The following DENND1A variants were observed in gnomAD, a reference collection of about 807,000 sequenced individuals.
The protein encoded by DENND1A is DENN domain containing 1A.
In DENND1A, 51 loss-of-function variants were observed where a neutral mutation model predicts 113.7. The observed-to-expected ratio is 0.45, with a 90% CI of 0.36 to 0.57. DENND1A has a LOEUF of 0.57. DENND1A is among the 20% of genes least tolerant of loss of function. DENND1A has a pLI of 0.00. For synonymous variants in DENND1A, 565 were observed against 570.8 expected (o/e 0.99, Z 0.14); for missense variants, 1,258 against 1,395.9 (o/e 0.90, Z 1.57).
chr9:123,392,456 C>A (rs1043910137), intron 21 of DENND1A, among the ~76,000 whole-genome samples: 1 of 152,142 alleles, frequency 6.6e-6, no homozygotes, highest in African/African-American at 2.4e-5. Context: ...AAAGGATCCT[C>A]GCTTTGTAAA....
intron 8 of DENND1A, among the ~76,000 whole-genome samples, chr9:123,654,285 G>T (rs146927963): frequency 1.3e-5 from 2 of 152,158 alleles, no homozygotes; most frequent in Non-Finnish European, 2.9e-5. Flanking sequence ...AGGAGAGGAT[G>T]GAAGTAAAAA....
chr9:123,578,228 T>C (rs1276219311), intron 12 of DENND1A, among the ~76,000 whole-genome samples: 1 of 152,208 alleles, frequency 6.6e-6, no homozygotes, highest in African/African-American at 2.4e-5. Context: ...GGGATTCCCC[T>C]TCTAGTACCA....
rs1320917840 is a variant in DENND1A at position 123,440,480 on chromosome 9, C to A, written c.1368G>T (p.Glu456Asp). Residue 456 changes from glutamate to aspartate, a missense_variant, in exon 19 of 24, where the codon GAG (glutamate) becomes GAT (aspartate). Physicochemically the swap from Glu to Asp is conservative, Grantham distance 45 (BLOSUM62 2). Coordinates refer to ENST00000394215, the MANE Select transcript of DENND1A (RefSeq NM_001352964.2). Reference protein sequence around the residue: ...KNRLKQKDIAENGCAPTPEEQ... With the variant: ...KNRLKQKDIADNGCAPTPEEQ... ...CTTCTGGGGTGGGGGCGCAGCCATT[C>A]TCGGCAATGTCCTGTAGGGAGAAGG... 6.4e-7 allele frequency: 1 copy of A among 1,572,676 alleles called. No individual in the cohort carries two copies. Among genetic ancestry groups the A allele is most frequent in the South Asian group, 1.2e-5 (1 of 85,272 alleles).
chr9:123,910,657 T>C (rs915769942), intron 1 of DENND1A, among the ~76,000 whole-genome samples: 11 of 152,156 alleles, frequency 7.2e-5, no homozygotes, highest in Admixed American at 2.0e-4. Flanking sequence ...CACTATTAAG[T>C]GGCTGGGCCC....
intron 13 of DENND1A, among the ~76,000 whole-genome samples, chr9:123,480,054 T>C (rs975612197): frequency 1.8e-4 from 27 of 152,284 alleles, no homozygotes; most frequent in African/African-American, 5.8e-4. Flanking sequence ...ATGAACAAGG[T>C]TGTTTTGGGA....
chr9:123,541,824 A>G (rs2056310953), intron 13 of DENND1A, among the ~76,000 whole-genome samples: 1 of 152,174 alleles, frequency 6.6e-6, no homozygotes, highest in Admixed American at 6.5e-5. Flanking sequence ...CAATTTTACG[A>G]GGGTGGCATT....
chr9:123,788,187 AAGT>A (rs1832481264), intron 3 of DENND1A, among the ~76,000 whole-genome samples: 1 of 152,308 alleles, frequency 6.6e-6, no homozygotes, highest in African/African-American at 2.4e-5. Context: ...TTCGTATAAG[AAGT>A]AATCATATTA....
At chr9:123,753,540 C>T in intron 5 of DENND1A, among the ~76,000 whole-genome samples, 1 of 152,246 alleles carries the variant, frequency 6.6e-6, no homozygotes, top group Non-Finnish European at 1.5e-5. Flanking sequence ...AACTACACTT[C>T]TTCCAACAAC....
intron 10 of DENND1A, among the ~76,000 whole-genome samples, chr9:123,619,292 T>C (rs2060820211): frequency 6.6e-6 from 1 of 152,220 alleles, no homozygotes; most frequent in South Asian, 2.1e-4. Context: ...ACTAACAATA[T>C]AGACTGTATT....
At chr9:123,693,124 T>C (rs569566525) in intron 5 of DENND1A, among the ~76,000 whole-genome samples, 1 of 152,306 alleles carries the variant, frequency 6.6e-6, no homozygotes, top group South Asian at 2.1e-4. Flanking sequence ...ATAGATGAAT[T>C]TTGGCAACTG....
intron 13 of DENND1A, among the ~76,000 whole-genome samples, chr9:123,462,635 A>G (rs2048622072): frequency 6.6e-6 from 1 of 152,138 alleles, no homozygotes. Context: ...TGTCTCTACT[A>G]AAAATACAAA....
At chr9:123,504,426 A>G (rs1229678549) in intron 13 of DENND1A, among the ~76,000 whole-genome samples, 1 of 152,250 alleles carries the variant, frequency 6.6e-6, no homozygotes, top group African/African-American at 2.4e-5. Flanking sequence ...ATGCATGCTT[A>G]TAACATTGAC....
intron 21 of DENND1A, chr9:123,401,580 C>T: frequency 7.2e-7 from 1 of 1,396,306 alleles, no homozygotes; most frequent in South Asian, 1.6e-5. Flanking sequence ...TGCCAACCAC[C>T]AAACTGGCTC....
chr9:123,537,702 A>G (rs1263941304), intron 13 of DENND1A, among the ~76,000 whole-genome samples: 1 of 152,180 alleles, frequency 6.6e-6, no homozygotes, highest in Non-Finnish European at 1.5e-5. Flanking sequence ...TTAACAAAAT[A>G]AAATTGAGAT....
At chr9:123,699,311 TA>T (rs2065725678) in intron 5 of DENND1A, among the ~76,000 whole-genome samples, 1 of 152,190 alleles carries the variant, frequency 6.6e-6, no homozygotes. Flanking sequence ...TGTGATGTTA[TA>T]AAAATATGTA....
intron 1 of DENND1A, among the ~76,000 whole-genome samples, chr9:123,917,790 C>G (rs775817792): frequency 2.0e-5 from 3 of 151,980 alleles, no homozygotes; most frequent in Non-Finnish European, 2.9e-5. Context: ...CTCTGTCATA[C>G]CAAAAGGCAA....
intron 9 of DENND1A, among the ~76,000 whole-genome samples, 166 bp from the exon 10 acceptor site, chr9:123,630,642 T>C (rs1458465635): frequency 6.6e-6 from 1 of 152,196 alleles, no homozygotes; most frequent in East Asian, 1.9e-4. Context: ...TCAAATTTAG[T>C]AAGAGCTTTC....
chr9:123,473,118 C>T (rs1331389222), intron 13 of DENND1A, among the ~76,000 whole-genome samples: 1 of 152,160 alleles, frequency 6.6e-6, no homozygotes, highest in Admixed American at 6.5e-5. Context: ...CTCGCCTCTG[C>T]ACCTCCAGCT....
intron 20 of DENND1A, among the ~76,000 whole-genome samples, chr9:123,407,910 G>A (rs967624569): frequency 1.6e-4 from 25 of 152,174 alleles, no homozygotes; most frequent in African/African-American, 3.1e-4. Context: ...GCAGGCCGAC[G>A]GCAGCCTGCC....
Sources: allele counts gnomAD v4.1 joint callset (sites outside exome capture counted in the v4.1 genomes callset), GRCh38; gene constraint gnomAD v4.1.1; transcripts MANE v1.5; gene names NCBI Gene and HGNC (gene_info 2026-07-23, HGNC 2026-07-21).